SH3RF1: variants seen among roughly 807,000 people sequenced by gnomAD.
SH3RF1 encodes the protein E3 ubiquitin-protein ligase SH3RF1.
In SH3RF1, 32 loss-of-function variants were observed where a neutral mutation model predicts 74.0. The observed-to-expected ratio is 0.43, with a 90% CI of 0.33 to 0.58. The LOEUF is 0.58. Ranked by LOEUF, SH3RF1 falls within the 20% of genes least tolerant of loss-of-function variation. The pLI, the probability that SH3RF1 is intolerant of heterozygous loss-of-function variation, is 0.05. For missense variants in SH3RF1, 954 were observed against 1,130.9 expected (o/e 0.84, Z 2.24); for synonymous variants, 396 against 439.6 (o/e 0.90, Z 1.24).
chr4:169,143,284 C>G (rs139690961), intron 4 of SH3RF1, among the ~76,000 whole-genome samples: 1 of 152,162 alleles, frequency 6.6e-6, no homozygotes, highest in African/African-American at 2.4e-5. Context: ...AATGTATCTA[C>G]ACTATGATCA....
chr4:169,106,989 C>A lies in SH3RF1; in HGVS notation c.2356G>T (p.Ala786Ser), dbSNP rs1336537558. The change falls in exon 11 of 12, where the codon GCA (alanine) becomes TCA (serine). Residue 786 changes from alanine to serine, a missense_variant. Ala to Ser is a moderately conservative substitution (Grantham distance 99). Transcript: ENST00000284637. ...DGDGPVTTAV[A>S]GAALAQDAFH... ...GCATCCTGGGCCAGGGCTGCTCCTG[C>A]CACTGCAGTCGTGACCGGTCCGTCC... 2 of 1,613,852 alleles carry A rather than the reference C, an allele frequency of 1.2e-6. No homozygotes were observed. Among genetic ancestry groups the A allele is most frequent in the African/African-American group, 1.3e-5 (1 of 74,918 alleles).
intron 2 of SH3RF1, among the ~76,000 whole-genome samples, chr4:169,193,223 A>G (rs1365949074): frequency 1.3e-5 from 2 of 152,158 alleles, no homozygotes; most frequent in Non-Finnish European, 2.9e-5. Flanking sequence ...AATCTCACAA[A>G]TCACCACTAA....
At chr4:169,229,097 A>T (rs1438879957) in intron 2 of SH3RF1, among the ~76,000 whole-genome samples, 1 of 152,126 alleles carries the variant, frequency 6.6e-6, no homozygotes, top group Non-Finnish European at 1.5e-5. Flanking sequence ...TACGTAATAT[A>T]ATCATACTTA....
At chr4:169,146,175 T>C (rs1165580662) in intron 4 of SH3RF1, among the ~76,000 whole-genome samples, 1 of 144,032 alleles carries the variant, frequency 6.9e-6, no homozygotes, top group Admixed American at 7.1e-5. Flanking sequence ...TATCTATATA[T>C]TATATATTCT....
intron 2 of SH3RF1, among the ~76,000 whole-genome samples, chr4:169,204,708 G>A (rs1055027303): frequency 2.0e-5 from 3 of 151,842 alleles, no homozygotes; most frequent in East Asian, 1.9e-4. Flanking sequence ...GCACTACCAC[G>A]CCCGGCTAAT....
At chr4:169,129,954 A>G in intron 6 of SH3RF1, 92 bp downstream of exon 6, 1 of 921,172 alleles carries the variant, frequency 1.1e-6, no homozygotes, top group Non-Finnish European at 1.7e-6. Flanking sequence ...ACAAGTATGA[A>G]CATACGCTGC....
At chr4:169,164,845 C>T (rs1046555420) in intron 2 of SH3RF1, among the ~76,000 whole-genome samples, 5 of 152,146 alleles carry the variant, frequency 3.3e-5, no homozygotes, top group Non-Finnish European at 7.3e-5. Context: ...AACAGTCATG[C>T]AGTTGATATG....
chr4:169,193,643 G>A (rs1452224131), intron 2 of SH3RF1, among the ~76,000 whole-genome samples: 2 of 152,136 alleles, frequency 1.3e-5, no homozygotes, highest in African/African-American at 2.4e-5. Flanking sequence ...TTATTACAGT[G>A]CAGGTCCTGT....
chr4:169,221,695 T>C (rs555859797), intron 2 of SH3RF1, among the ~76,000 whole-genome samples: 3 of 152,142 alleles, frequency 2.0e-5, no homozygotes, highest in African/African-American at 7.2e-5. Flanking sequence ...TGTCTGATAA[T>C]AAAAAAAAGT....
intron 2 of SH3RF1, among the ~76,000 whole-genome samples, chr4:169,212,354 G>A (rs370349084): frequency 2.8e-4 from 43 of 152,126 alleles, no homozygotes; most frequent in African/African-American, 8.2e-4. Flanking sequence ...GTGAGCCACC[G>A]CGCCTGGACT....
At chr4:169,197,614 G>T (rs4048789) in intron 2 of SH3RF1, among the ~76,000 whole-genome samples, 1 of 120,772 alleles carries the variant, frequency 8.3e-6, no homozygotes, top group Non-Finnish European at 1.7e-5. Context: ...ACAAAAGCAA[G>T]ACTCTGTCTC....
intron 7 of SH3RF1, among the ~76,000 whole-genome samples, chr4:169,121,412 C>T (rs1357442444): frequency 4.6e-5 from 7 of 152,174 alleles, no homozygotes; most frequent in Non-Finnish European, 7.3e-5. Flanking sequence ...AAGCACAACA[C>T]GCTGGCTTCT....
At chr4:169,100,601 C>T (rs374382825) in intron 11 of SH3RF1, among the ~76,000 whole-genome samples, 2 of 152,102 alleles carry the variant, frequency 1.3e-5, no homozygotes, top group East Asian at 3.9e-4. Context: ...TGGCCTCCTT[C>T]AAGTCTCTTC....
intron 2 of SH3RF1, among the ~76,000 whole-genome samples, chr4:169,267,920 T>C (rs1345450796): frequency 6.6e-6 from 1 of 152,194 alleles, no homozygotes; most frequent in Non-Finnish European, 1.5e-5. Flanking sequence ...TCCTTCTTCT[T>C]ACAAAAATGA....
chr4:169,215,680 T>C (rs1443527042), intron 2 of SH3RF1, among the ~76,000 whole-genome samples: 1 of 152,222 alleles, frequency 6.6e-6, no homozygotes, highest in Non-Finnish European at 1.5e-5. Flanking sequence ...TGAAGTTTCA[T>C]TATATTTCTC....
intron 4 of SH3RF1, among the ~76,000 whole-genome samples, chr4:169,141,639 CTT>C (rs112366388): frequency 4.2e-4 from 58 of 139,718 alleles, no homozygotes; most frequent in Non-Finnish European, 3.9e-4. Context: ...GATATAAATA[CTT>C]TTTTTTTTTT....
chr4:169,124,296 T>C (rs1733489542), intron 6 of SH3RF1, among the ~76,000 whole-genome samples: 1 of 152,202 alleles, frequency 6.6e-6, no homozygotes, highest in Non-Finnish European at 1.5e-5. Flanking sequence ...GCTGTACTAA[T>C]TTGACCTAAA....
At chr4:169,173,605 C>A (rs535660211) in intron 2 of SH3RF1, among the ~76,000 whole-genome samples, 10 of 152,210 alleles carry the variant, frequency 6.6e-5, no homozygotes, top group Admixed American at 3.3e-4. Context: ...GATCCTGAGG[C>A]GCTGTAGATC....
At chr4:169,198,821 C>CTA (rs1734863916) in intron 2 of SH3RF1, among the ~76,000 whole-genome samples, 1 of 152,044 alleles carries the variant, frequency 6.6e-6, no homozygotes, top group Admixed American at 6.6e-5. Flanking sequence ...TCAACGGAAA[C>CTA]AATAGAGGCC....
Sources: allele counts gnomAD v4.1 joint callset (sites outside exome capture counted in the v4.1 genomes callset), GRCh38; gene constraint gnomAD v4.1.1; transcripts MANE v1.5; gene names NCBI Gene and HGNC (gene_info 2026-07-23, HGNC 2026-07-21).